Variants in MYOF observed in about 807,000 individuals in gnomAD.
MYOF encodes the protein myoferlin.
MYOF carries 244 observed loss-of-function variants against 284.2 expected under a neutral mutation model. That is an observed-to-expected ratio of 0.86 (90% CI 0.77 to 0.95). The LOEUF (loss-of-function observed/expected upper bound fraction) is 0.95. Among genes scored for constraint, MYOF ranks in the 40% least tolerant of loss-of-function variants. MYOF has a pLI of 0.00. For synonymous variants in MYOF, 904 were observed against 919.7 expected (o/e 0.98, Z 0.31); for missense variants, 2,496 against 2,560.6 (o/e 0.97, Z 0.54).
At chr10:93,353,610 ACTAGGACC>A (rs1564642637) in intron 32 of MYOF, among the ~76,000 whole-genome samples, 193 bp downstream of exon 32, 2 of 152,238 alleles carry the variant, frequency 1.3e-5, no homozygotes, top group Non-Finnish European at 2.9e-5. Flanking sequence ...TCTATGTATT[ACTAGGACC>A]CAGCAATGGT....
At chr10:93,375,205 T>G (rs1589461880) in intron 22 of MYOF, among the ~76,000 whole-genome samples, 1 of 152,224 alleles carries the variant, frequency 6.6e-6, no homozygotes, top group Non-Finnish European at 1.5e-5. Flanking sequence ...TTTTAGGCCT[T>G]AGGGTTTAAC....
chr10:93,398,893 T>C (rs111503419), intron 13 of MYOF, among the ~76,000 whole-genome samples: 10,353 of 152,230 alleles, frequency 0.068, 440 homozygotes, highest in African/African-American at 0.098. Context: ...GTGGTGGTTA[T>C]AGCTGTCCCT....
Position 93,323,146 on chromosome 10 carries a change from G to A in MYOF, c.5388C>T (p.Asn1796=). The change falls in exon 48 of 54, where the codon AAC becomes AAT. Residue 1796 remains asparagine, a synonymous_variant. Transcript: ENST00000359263. ...TCTCGTCCAAGATAACGTCCTTGGT[G>A]TTCCAGATGATCACACGCAGGTAGT... ...KKYYLRVIIW[N]TKDVILDEKS... is the part of the protein sequence containing the mutation. 2 of 1,614,102 alleles carry A rather than the reference G, an allele frequency of 1.2e-6. No homozygotes were observed. The highest frequency in any genetic ancestry group is 1.3e-5 in the African/African-American group (1 of 75,048).
chr10:93,395,006 C>A (rs1846929649), intron 16 of MYOF, among the ~76,000 whole-genome samples: 1 of 151,670 alleles, frequency 6.6e-6, no homozygotes, highest in Non-Finnish European at 1.5e-5. Context: ...TATAAAAAGA[C>A]CTTAAACAAG....
At chr10:93,459,089 A>C (rs898382518) in intron 1 of MYOF, among the ~76,000 whole-genome samples, 1 of 152,206 alleles carries the variant, frequency 6.6e-6, no homozygotes, top group Non-Finnish European at 1.5e-5. Flanking sequence ...GCTTGTGCCC[A>C]GACCTATCCT....
At chr10:93,364,419 G>A (rs1845230494) in intron 26 of MYOF, among the ~76,000 whole-genome samples, 2 of 152,132 alleles carry the variant, frequency 1.3e-5, no homozygotes, top group Non-Finnish European at 2.9e-5. Context: ...TTTCAGTTCC[G>A]GGCTGCTCAG....
intron 5 of MYOF, 27 bp downstream of exon 5, chr10:93,426,044 G>A: frequency 1.3e-6 from 2 of 1,547,422 alleles, no homozygotes; most frequent in African/African-American, 1.4e-5. Context: ...CCTGGGGGTG[G>A]CTGGGCCTTC....
chr10:93,400,853 G>GTTTTTTTTTTT (rs551007757), intron 12 of MYOF, among the ~76,000 whole-genome samples: 1 of 113,950 alleles, frequency 8.8e-6, no homozygotes, highest in African/African-American at 3.5e-5. Context: ...TGCTCAGCAT[G>GTTTTTTTTTTT]TTTTTTTTTT....
At position 93,343,979 on chromosome 10, in the gene MYOF, G is replaced by C. The variant is rs776718107; in HGVS notation, c.4250-47C>G. ...AATCTAAGATACTTAGAGAAATACA[G>C]TGGTGAACATTCTACTCCAAGTTCA... On this transcript the variant is annotated intron_variant, in intron 37 of 53. Transcript: ENST00000359263. 3.7e-6 allele frequency: 6 copies of C among 1,603,718 alleles called. No homozygotes were observed. The South Asian group carries it at 5.5e-5, about 15-fold the overall frequency.
rs934067525 is a variant in MYOF, at chr10:93,397,133, T to C, written c.1334+114A>G. ...AACGCCCAGTTCCAGGAGCAATTTA[T>C]CCTCTCCTCTGGAAGGAAAGCAAAA... On this transcript the variant is annotated intron_variant, in intron 15 of 53. Coordinates refer to ENST00000359263, the MANE Select transcript of MYOF (RefSeq NM_013451.4). The C allele has an allele frequency of 7.1e-6, 6 of 845,914 alleles. No homozygotes were observed. The African/African-American group carries it at 1.1e-4, about 15-fold the overall frequency. 52.4% of individuals were successfully genotyped at this position (845,914 alleles called of 1,614,324 possible).
In MYOF at chr10:93,363,984, C is replaced by T. The variant is rs768018859; in HGVS notation, c.2845G>A (p.Ala949Thr). 5.0e-5 allele frequency: 80 copies of T among 1,614,064 alleles called. 1 individual carries two copies. The Admixed American group carries it at 1.3e-3, about 26-fold the overall frequency. ...SRYPGGDWKPAEDTYTDANGD... is the reference protein window; with the variant it reads ...SRYPGGDWKPTEDTYTDANGD... ...ACCGCATCCGTGTAGGTGTCCTCGGCCGGCTTCCAGTCGCCCCCGGGGTAG... is the reference window on the plus strand; with the variant it reads ...ACCGCATCCGTGTAGGTGTCCTCGGTCGGCTTCCAGTCGCCCCCGGGGTAG... The change falls in exon 27 of 54, where the codon GCC becomes ACC. Residue 949 changes from alanine (A) to threonine (T), a missense_variant. Ala to Thr is a moderately conservative substitution (Grantham distance 58). This residue lies in a region of MYOF where 2,436 missense variants were observed against 2,480.7 expected (regional missense o/e 0.98). Coordinates refer to ENST00000359263, the MANE Select transcript of MYOF (RefSeq NM_013451.4).
rs1227453630 is a variant in MYOF, at chr10:93,482,096, CTT to C, written c.88+9_88+10del. ...ACAGGACTTCAGAAAAAGAAGAAAA[CTT>C]TTTCTTACCCTTAAAAATGACAGAA... On this transcript the variant is annotated intron_variant, in intron 1 of 53. Coordinates refer to ENST00000359263, the MANE Select transcript of MYOF (RefSeq NM_013451.4). The C allele has an allele frequency of 6.2e-7, 1 of 1,611,640 alleles. No homozygotes were observed.
chr10:93,324,848 C>T (rs1589388037), intron 46 of MYOF, among the ~76,000 whole-genome samples: 1 of 151,954 alleles, frequency 6.6e-6, no homozygotes, highest in Non-Finnish European at 1.5e-5. Flanking sequence ...GGTGGGATCA[C>T]GACTCACTGC....
At chr10:93,344,125 T>C (rs954826100) in intron 37 of MYOF, among the ~76,000 whole-genome samples, 193 bp from the exon 38 acceptor site, 2 of 152,210 alleles carry the variant, frequency 1.3e-5, no homozygotes, top group African/African-American at 4.8e-5. Context: ...CCAAACATAA[T>C]ATGGTTTTAG....
chr10:93,351,501 G>A lies in MYOF; in HGVS notation c.3734C>T (p.Thr1245Ile). 1 of 1,614,206 alleles carries A rather than the reference G, an allele frequency of 6.2e-7. No individual in the cohort carries two copies. The highest frequency in any genetic ancestry group is 8.5e-7 in the Non-Finnish European group (1 of 1,180,030). ...VVKLNSEMDI[T>I]PKLLWHPVMN... ...TACTGGGTGCCAGAGAAGTTTGGGT[G>A]TGATGTCCATTTCTGAGTTCAGTTT... Residue 1245 changes from threonine to isoleucine, a missense_variant, in exon 34 of 54, where the codon ACA becomes ATA. Thr to Ile is a moderately conservative substitution (Grantham distance 89). This residue lies in a region of MYOF where 2,436 missense variants were observed against 2,480.7 expected (regional missense o/e 0.98). Coordinates refer to ENST00000359263, the MANE Select transcript of MYOF (RefSeq NM_013451.4).
Position 93,401,529 on chromosome 10 carries a change from G to C in MYOF, c.1006C>G (p.Arg336Gly), listed in dbSNP as rs201829735. The change falls in exon 12 of 54, where the codon CGT becomes GGT. Residue 336 changes from arginine to glycine, a missense_variant. By Grantham distance (125) the Arg-to-Gly change is moderately radical. Coordinates refer to ENST00000359263, the MANE Select transcript of MYOF (RefSeq NM_013451.4). ...GDEPPPERRDRDNDSDDVESN... is the reference protein window; with the variant it reads ...GDEPPPERRDGDNDSDDVESN... ...TCCACATCATCACTGTCATTATCACGATCTCGTCTCTCAGGCTATTAGGGG... is the reference window on the plus strand; with the variant it reads ...TCCACATCATCACTGTCATTATCACCATCTCGTCTCTCAGGCTATTAGGGG... The C allele has an allele frequency of 6.2e-7, 1 of 1,614,006 alleles. No individual in the cohort carries two copies. The highest frequency in any genetic ancestry group is 1.7e-5 in the Admixed American group (1 of 60,012).
At chr10:93,369,563 T>C (rs1845491724) in intron 25 of MYOF, 82 bp downstream of exon 25, 1 of 1,578,172 alleles carries the variant, frequency 6.3e-7, no homozygotes, top group East Asian at 2.3e-5. Flanking sequence ...TTTTGGTATG[T>C]AAATGTTTTC....
At chr10:93,362,797 CG>C (rs1564650627) in intron 27 of MYOF, among the ~76,000 whole-genome samples, 2 of 151,904 alleles carry the variant, frequency 1.3e-5, no homozygotes, top group African/African-American at 4.8e-5. Flanking sequence ...GATTATAAAG[CG>C]GGATGATGAA....
chr10:93,478,861 G>GAAA (rs2057330499), intron 1 of MYOF, among the ~76,000 whole-genome samples: 1 of 54,526 alleles, frequency 1.8e-5, no homozygotes, highest in African/African-American at 7.2e-5. Flanking sequence ...AGAAAGAAAG[G>GAAA]GTTTGAACAC....
Sources: allele counts gnomAD v4.1 joint callset (sites outside exome capture counted in the v4.1 genomes callset), GRCh38; gene constraint gnomAD v4.1.1; regional missense constraint gnomAD v4.1.1; transcripts MANE v1.5; gene names NCBI Gene and HGNC (gene_info 2026-07-23, HGNC 2026-07-21).